The following TLCD3A variants were observed in gnomAD, a reference collection of about 807,000 sequenced individuals.
TLCD3A encodes the protein TLC domain containing 3A.
Under a neutral mutation model 29.9 loss-of-function variants are expected in TLCD3A, and 17 were observed. The ratio of observed to expected loss-of-function variants is 0.57; its 90% CI spans 0.39 to 0.85. The LOEUF (loss-of-function observed/expected upper bound fraction) is 0.85, where lower values mean the gene tolerates loss of function less well. Ranked by LOEUF, TLCD3A falls within the 40% of genes least tolerant of loss-of-function variation. TLCD3A has a pLI of 0.00. For missense variants in TLCD3A, 332 were observed against 350.8 expected, an observed-to-expected ratio of 0.95 and a Z score of 0.43; for synonymous variants, 143 against 147.7, an observed-to-expected ratio of 0.97 and a Z score of 0.23.
At chr17:741,163 C>T (rs1245633776) in intron 4 of TLCD3A, 138 bp from the exon 5 acceptor site, 7 of 789,286 alleles carry the variant, frequency 8.9e-6, no homozygotes, top group Admixed American at 5.1e-5. Context: ...AACGTCTGGG[C>T]GCCAGGGAAT....
At chr17:735,197 A>G (rs566057239) in intron 2 of TLCD3A, among the ~76,000 whole-genome samples, 1 of 151,270 alleles carries the variant, frequency 6.6e-6, no homozygotes, top group East Asian at 2.0e-4. Context: ...TAATTTTTGT[A>G]TATTTAGTAA....
chr17:737,695 A>C, intron 2 of TLCD3A, 151 bp from the exon 3 acceptor site: 1 of 758,282 alleles, frequency 1.3e-6, no homozygotes, highest in Non-Finnish European at 2.2e-6. Context: ...AACTGAGAGC[A>C]AGTGGTCTAC....
At chr17:739,374 A>C (rs985426805) in intron 3 of TLCD3A, among the ~76,000 whole-genome samples, 1 of 152,118 alleles carries the variant, frequency 6.6e-6, no homozygotes, top group Non-Finnish European at 1.5e-5. Context: ...TTTTTATTAG[A>C]GACGGGGTTT....
chr17:738,233 T>A (rs965113188), intron 3 of TLCD3A, among the ~76,000 whole-genome samples, 186 bp downstream of exon 3: 1 of 151,558 alleles, frequency 6.6e-6, no homozygotes, highest in African/African-American at 2.4e-5. Flanking sequence ...GTAGCTGGGA[T>A]TGCAGGTGCC....
intron 3 of TLCD3A, 56 bp downstream of exon 3, chr17:738,103 T>C (rs1367595806): frequency 7.6e-7 from 1 of 1,308,546 alleles, no homozygotes. Flanking sequence ...TGTCTTTTTT[T>C]TTTTTTTTTT....
At position 741,432 on chromosome 17, in the gene TLCD3A, C is replaced by A. The variant is rs773624725; in HGVS notation, c.636C>A (p.Leu212=). The A allele has an allele frequency of 1.9e-6, 3 of 1,614,238 alleles. No homozygotes were observed. The highest frequency in any genetic ancestry group is 2.5e-6 in the Non-Finnish European group (3 of 1,180,036). The change falls in exon 5 of 5, where the codon CTC becomes CTA. Residue 212 remains leucine, a synonymous_variant. Coordinates refer to ENST00000308278, the MANE Select transcript of TLCD3A (RefSeq NM_024792.3). ...SYGRQQGLSL[L]QVPFSIPFYC... The stretch of plus-strand genomic sequence containing the variant: ...GCCGCCAGCAGGGACTAAGCCTGCT[C>A]CAAGTACCCTTCAGCATCCCATTCT...
chr17:739,400 G>C (rs577761429), intron 3 of TLCD3A, among the ~76,000 whole-genome samples: 1 of 152,224 alleles, frequency 6.6e-6, no homozygotes, highest in African/African-American at 2.4e-5. Context: ...TATTGGTCAG[G>C]CTGATTTCAA....
Position 737,994 on chromosome 17 carries a change from C to G in TLCD3A, c.355C>G (p.Leu119Val). The change falls in exon 3 of 5, where the codon CTC becomes GTC. Residue 119 changes from leucine (L) to valine (V), a missense_variant. Transcript: ENST00000308278. ...TLRNFLSRNR[L>V]MITHHAVILF... Reference sequence around the variant, plus strand: ...TCGAAACTTCCTAAGTCGAAACCGCCTCATGATCACACATCATGCGGTCAT... The same window carrying G: ...TCGAAACTTCCTAAGTCGAAACCGCGTCATGATCACACATCATGCGGTCAT... 1 of 1,614,026 alleles carries G rather than the reference C, an allele frequency of 6.2e-7. No homozygotes were observed.
intron 3 of TLCD3A, among the ~76,000 whole-genome samples, chr17:739,103 C>A (rs542342683): frequency 1.3e-5 from 2 of 152,174 alleles, no homozygotes; most frequent in South Asian, 4.1e-4. Flanking sequence ...GCCCACCCAA[C>A]AAAGAAAAGC....
intron 2 of TLCD3A, among the ~76,000 whole-genome samples, chr17:735,292 A>G (rs1321709475): frequency 6.6e-6 from 1 of 150,418 alleles, no homozygotes; most frequent in African/African-American, 2.4e-5. Context: ...GATTACAGGC[A>G]TGAGCCACCG....
chr17:735,180 G>A (rs1276710222), intron 2 of TLCD3A, among the ~76,000 whole-genome samples: 4 of 151,970 alleles, frequency 2.6e-5, no homozygotes, highest in Non-Finnish European at 5.9e-5. Flanking sequence ...GTGTCACCAC[G>A]TCTGGCTAAT....
intron 2 of TLCD3A, among the ~76,000 whole-genome samples, chr17:734,458 C>T (rs1178956803): frequency 6.6e-6 from 1 of 151,284 alleles, no homozygotes; most frequent in East Asian, 2.0e-4. Flanking sequence ...CAGGCACACA[C>T]TACTACACCT....
chr17:733,581 C>T (rs950471115), intron 2 of TLCD3A, among the ~76,000 whole-genome samples: 1 of 152,180 alleles, frequency 6.6e-6, no homozygotes, highest in Non-Finnish European at 1.5e-5. Context: ...CCCACCACCC[C>T]CTTCCACGCA....
chr17:733,032 G>GGGCCA (rs1218966659), intron 1 of TLCD3A, 66 bp from the exon 2 acceptor site: 1 of 1,523,162 alleles, frequency 6.6e-7, no homozygotes, highest in Non-Finnish European at 8.9e-7. Flanking sequence ...CCGAAGGGCC[G>GGGCCA]GGCCGGGCTC....
chr17:740,752 GC>G, intron 4 of TLCD3A, 152 bp downstream of exon 4: 1 of 804,286 alleles, frequency 1.2e-6, no homozygotes, highest in South Asian at 1.7e-5. Flanking sequence ...TGAATGAATG[GC>G]AGAGAGAGTG....
At chr17:733,827 C>A (rs80240264) in intron 2 of TLCD3A, among the ~76,000 whole-genome samples, 1 of 151,924 alleles carries the variant, frequency 6.6e-6, no homozygotes, top group Non-Finnish European at 1.5e-5. Flanking sequence ...TTTTTTTCCC[C>A]ACCGGTCTTG....
Position 741,822 on chromosome 17 carries a change from G to C in TLCD3A, c.*252G>C, listed in dbSNP as rs1974260145. 1 of 534,920 alleles carries C rather than the reference G, an allele frequency of 1.9e-6. No homozygotes were observed. Among genetic ancestry groups the C allele is most frequent in the Non-Finnish European group, 3.4e-6 (1 of 297,680 alleles). The allele number at this position is 534,920 out of a possible 1,614,324, so 33.1% of individuals were successfully genotyped here. A position where few individuals can be genotyped will look rare whatever the true frequency, so the allele number is the denominator to read the frequency against. On this transcript the variant is annotated 3_prime_UTR_variant, in exon 5 of 5. Transcript: ENST00000308278. ...AAAGTGGTTTTAATGCAAGCCCAAG[G>C]ATCCTTCTTAAGGTCTTATCTCAAG...
chr17:733,046 G>A, intron 1 of TLCD3A, 52 bp from the exon 2 acceptor site: 1 of 1,513,524 alleles, frequency 6.6e-7, no homozygotes, highest in South Asian at 1.2e-5. Context: ...CGGGCTCCCT[G>A]CGGTCCTCGG....
rs1814171167 is a variant in TLCD3A, at chr17:742,868, TAAA to T, written c.*1302_*1304del. The stretch of plus-strand genomic sequence containing the variant: ...TGTTGAGTCTTTAATGGGTGCCATT[TAAA>T]AAACAAAATGCTATTTTTTAATTGT... On this transcript the variant is annotated 3_prime_UTR_variant, in exon 5 of 5. Coordinates refer to ENST00000308278, the MANE Select transcript of TLCD3A (RefSeq NM_024792.3). 1 of 152,566 alleles carries T rather than the reference TAAA, an allele frequency of 6.6e-6. No homozygotes were observed. The highest frequency in any genetic ancestry group is 2.1e-4 in the South Asian group (1 of 4,836). The allele number at this position is 152,566 out of a possible 1,614,324, so 9.5% of individuals were successfully genotyped here.
Sources: gnomAD v4.1 joint callset for allele counts (sites outside exome capture counted in the v4.1 genomes callset) on GRCh38, gnomAD v4.1.1 for gene constraint, MANE v1.5 for transcripts, NCBI Gene and HGNC (gene_info 2026-07-23, HGNC 2026-07-21) for gene names.